The following TCF7L1 variants were observed in gnomAD, a reference collection of about 807,000 sequenced individuals.
TCF7L1 encodes the protein transcription factor 7-like 1.
TCF7L1 carries 18 observed loss-of-function variants against 63.7 expected under a neutral mutation model. The ratio of observed to expected loss-of-function variants is 0.28; its 90% CI spans 0.20 to 0.42. TCF7L1 has a LOEUF of 0.42. TCF7L1 is among the 10% of genes least tolerant of loss of function. The probability of loss-of-function intolerance (pLI) is 1.00; values close to 1 mark genes in which losing one functional copy is unlikely to be tolerated. For synonymous variants in TCF7L1, 355 were observed against 340.9 expected (o/e 1.04, Z -0.46); for missense variants, 654 against 779.3 (o/e 0.84, Z 1.91).
chr2:85,171,329 GAGA>G (rs1256826581), intron 3 of TCF7L1, among the ~76,000 whole-genome samples: 1 of 152,226 alleles, frequency 6.6e-6, no homozygotes, highest in Non-Finnish European at 1.5e-5. Context: ...CAAACCACAT[GAGA>G]AGGATTATGT....
intron 3 of TCF7L1, among the ~76,000 whole-genome samples, chr2:85,231,087 T>A (rs1680064670): frequency 6.6e-6 from 1 of 152,164 alleles, no homozygotes; most frequent in African/African-American, 2.4e-5. Flanking sequence ...TCTGCAAGTA[T>A]CTTGCAGATG....
rs1181237553 is a variant in TCF7L1, at chr2:85,134,630, T to G, written c.441+180T>G. Among the ~76,000 whole-genome samples the G allele has an allele frequency of 6.6e-6, 1 of 152,250 alleles. No individual in the cohort carries two copies. Among genetic ancestry groups the G allele is most frequent in the Non-Finnish European group, 1.5e-5 (1 of 68,044 alleles). On this transcript the variant is annotated intron_variant, in intron 3 of 11. Coordinates refer to ENST00000282111, the MANE Select transcript of TCF7L1 (RefSeq NM_031283.3). The surrounding 1 kb of genome is among the most constrained non-coding windows in gnomAD (Gnocchi z 5.0). ...GAGGCTGCGCTGGCCAGTGCCTGGATGAAAGTAAAGTTACTTTAACTTTTC... is the reference window on the plus strand; with the variant it reads ...GAGGCTGCGCTGGCCAGTGCCTGGAGGAAAGTAAAGTTACTTTAACTTTTC...
At chr2:85,286,544 G>C (rs559163711) in intron 4 of TCF7L1, among the ~76,000 whole-genome samples, 2 of 152,176 alleles carry the variant, frequency 1.3e-5, no homozygotes, top group Admixed American at 6.5e-5. Flanking sequence ...TGCTCAGGCT[G>C]GAGTGCAATG....
intron 4 of TCF7L1, among the ~76,000 whole-genome samples, chr2:85,290,691 T>G (rs1015654387): frequency 1.6e-4 from 25 of 152,286 alleles, no homozygotes; most frequent in Admixed American, 2.6e-4. Context: ...ACCAAGGTGA[T>G]GTATGTATAT....
chr2:85,239,536 T>C (rs950559029), intron 3 of TCF7L1, among the ~76,000 whole-genome samples: 1 of 152,216 alleles, frequency 6.6e-6, no homozygotes, highest in African/African-American at 2.4e-5. Flanking sequence ...TTGGCCCAGG[T>C]CTGTCCCTGG....
intron 3 of TCF7L1, among the ~76,000 whole-genome samples, chr2:85,246,591 G>A (rs1487317286): frequency 6.6e-6 from 1 of 152,198 alleles, no homozygotes; most frequent in Non-Finnish European, 1.5e-5. Context: ...GCAAGGCGAG[G>A]CTCTCCACGC....
chr2:85,228,317 G>A (rs933159032), intron 3 of TCF7L1, among the ~76,000 whole-genome samples: 5 of 152,078 alleles, frequency 3.3e-5, no homozygotes, highest in Non-Finnish European at 5.9e-5. Context: ...GCTACTTGGG[G>A]AGTTGAGGCA....
chr2:85,176,434 C>T (rs1399071133), intron 3 of TCF7L1, among the ~76,000 whole-genome samples: 4 of 152,156 alleles, frequency 2.6e-5, no homozygotes, highest in African/African-American at 7.2e-5. Flanking sequence ...CAGCTCCACT[C>T]GTAGGGAATT....
intron 3 of TCF7L1, among the ~76,000 whole-genome samples, chr2:85,199,820 G>T (rs1173770924): frequency 6.6e-6 from 1 of 152,012 alleles, no homozygotes. Flanking sequence ...TCTTATTAAA[G>T]TATGCAGTTC....
intron 3 of TCF7L1, among the ~76,000 whole-genome samples, chr2:85,163,469 C>G (rs868586813): frequency 2.0e-5 from 3 of 152,184 alleles, no homozygotes; most frequent in East Asian, 1.9e-4. Context: ...CCTGCCCGAC[C>G]AGAAGCAGAC....
At position 85,180,428 on chromosome 2, in the gene TCF7L1, T is replaced by A. The variant is rs1003793387; in HGVS notation, c.441+45978T>A. 2.6e-5 allele frequency among the ~76,000 whole-genome samples: 4 copies of A among 152,152 alleles called. No individual in the cohort carries two copies. In the East Asian group the frequency reaches 5.8e-4, roughly 22 times the overall value. On this transcript the variant is annotated intron_variant, in intron 3 of 11. Transcript: ENST00000282111. ...CAGCTACCTGGAGGGTGTGTCTACC[T>A]GCCTGACCCTCAGCCATCGCAGCCT...
chr2:85,242,361 G>A (rs1013008475), intron 3 of TCF7L1, among the ~76,000 whole-genome samples: 3 of 152,134 alleles, frequency 2.0e-5, no homozygotes, highest in South Asian at 2.1e-4. Context: ...TGAACATGTC[G>A]CGCTTAAGAA....
At chr2:85,215,257 C>T (rs562355857) in intron 3 of TCF7L1, among the ~76,000 whole-genome samples, 3 of 152,320 alleles carry the variant, frequency 2.0e-5, no homozygotes, top group South Asian at 2.1e-4. Flanking sequence ...GTACCTGTAA[C>T]GTGCTCCACC....
intron 3 of TCF7L1, among the ~76,000 whole-genome samples, chr2:85,184,796 C>T (rs992609502): frequency 1.3e-5 from 2 of 152,204 alleles, no homozygotes; most frequent in African/African-American, 2.4e-5. Context: ...AAACTAACGG[C>T]TGTGCTCCCC....
At chr2:85,197,402 A>C (rs1679183249) in intron 3 of TCF7L1, among the ~76,000 whole-genome samples, 1 of 152,216 alleles carries the variant, frequency 6.6e-6, no homozygotes, top group African/African-American at 2.4e-5. Flanking sequence ...CTCTGTCTCA[A>C]AAAATATATA....
rs145743365 is a variant in TCF7L1, at chr2:85,259,194, G to A, written c.442-24301G>A. Among the ~76,000 whole-genome samples, 538 of 152,350 alleles carry A rather than the reference G, an allele frequency of 3.5e-3. 6 individuals carry two copies. Among genetic ancestry groups the A allele is most frequent in the African/African-American group, 0.012 (489 of 41,576 alleles). On this transcript the variant is annotated intron_variant, in intron 3 of 11. Coordinates refer to ENST00000282111, the MANE Select transcript of TCF7L1 (RefSeq NM_031283.3). ...GAGTATTTGTGGAATGAGCGGCCGAGCCGCTGCAGACTGATGAGTGTTCTG... is the reference window on the plus strand; with the variant it reads ...GAGTATTTGTGGAATGAGCGGCCGAACCGCTGCAGACTGATGAGTGTTCTG...
At chr2:85,198,782 G>A (rs914222709) in intron 3 of TCF7L1, among the ~76,000 whole-genome samples, 4 of 152,136 alleles carry the variant, frequency 2.6e-5, no homozygotes, top group Non-Finnish European at 5.9e-5. Context: ...GATCGCATGA[G>A]CCCAAGAGGT....
chr2:85,268,153 G>C (rs957170784), intron 3 of TCF7L1, among the ~76,000 whole-genome samples: 3 of 152,204 alleles, frequency 2.0e-5, no homozygotes, highest in African/African-American at 7.2e-5. Flanking sequence ...TTACTCACCT[G>C]ATAGGGTCCC....
intron 3 of TCF7L1, among the ~76,000 whole-genome samples, chr2:85,246,851 C>A (rs1680478956): frequency 6.6e-6 from 1 of 152,212 alleles, no homozygotes; most frequent in Non-Finnish European, 1.5e-5. Flanking sequence ...CACCCTCCTT[C>A]CCTCTTGTCC....
Sources: gnomAD v4.1 joint callset for allele counts (sites outside exome capture counted in the v4.1 genomes callset) on GRCh38, gnomAD v4.1.1 for gene constraint, Gnocchi (gnomAD v3.1) non-coding constraint, MANE v1.5 for transcripts, NCBI Gene and HGNC (gene_info 2026-07-23, HGNC 2026-07-21) for gene names.